Variants in CSMD1 observed in about 807,000 individuals in gnomAD.
The protein encoded by CSMD1 is CUB and sushi domain-containing protein 1.
Under a neutral mutation model 417.5 loss-of-function variants are expected in CSMD1, and 213 were observed. The ratio of observed to expected loss-of-function variants is 0.51; its 90% CI spans 0.46 to 0.57. The LOEUF (loss-of-function observed/expected upper bound fraction) is 0.57. Ranked by LOEUF, CSMD1 falls within the 20% of genes least tolerant of loss-of-function variation. The pLI, the probability that CSMD1 is intolerant of heterozygous loss-of-function variation, is 0.00. For synonymous variants in CSMD1, 2,862 were observed against 1,736.8 expected (o/e 1.65, Z -16.11); for missense variants, 6,923 against 4,529.7 (o/e 1.53, Z -15.17).
chr8:3,117,873 T>C (rs913870680), intron 42 of CSMD1, among the ~76,000 whole-genome samples: 1 of 152,208 alleles, frequency 6.6e-6, no homozygotes, highest in African/African-American at 2.4e-5. Flanking sequence ...CTGTTTCTTC[T>C]ACCTGGAGTG....
chr8:4,077,170 G>C (rs1452932780), intron 3 of CSMD1, among the ~76,000 whole-genome samples: 3 of 151,166 alleles, frequency 2.0e-5, no homozygotes, highest in Non-Finnish European at 4.4e-5. Flanking sequence ...GCACCCAATG[G>C]GTAAAAACTG....
At chr8:4,946,482 C>G (rs577320139) in intron 1 of CSMD1, among the ~76,000 whole-genome samples, 2 of 152,068 alleles carry the variant, frequency 1.3e-5, no homozygotes, top group Non-Finnish European at 2.9e-5. Context: ...ATGGAGACTA[C>G]CCTCCCCAGG....
At chr8:3,435,982 T>A (rs1322966540) in intron 12 of CSMD1, among the ~76,000 whole-genome samples, 1 of 152,172 alleles carries the variant, frequency 6.6e-6, no homozygotes. Context: ...AACTTTGTAT[T>A]TGCAAATGCT....
intron 1 of CSMD1, among the ~76,000 whole-genome samples, chr8:4,698,736 C>T (rs1054263371): frequency 7.2e-6 from 1 of 138,682 alleles, no homozygotes; most frequent in Non-Finnish European, 1.5e-5. Context: ...TTCCTTCTTA[C>T]CTACTAAACT....
intron 5 of CSMD1, among the ~76,000 whole-genome samples, chr8:3,921,639 C>T (rs926548374): frequency 2.6e-5 from 4 of 151,880 alleles, no homozygotes; most frequent in African/African-American, 7.3e-5. Context: ...TGATTTCTTC[C>T]TTCCCCCATT....
intron 12 of CSMD1, among the ~76,000 whole-genome samples, chr8:3,455,414 T>C (rs1039264089): frequency 6.6e-6 from 1 of 152,246 alleles, no homozygotes; most frequent in African/African-American, 2.4e-5. Flanking sequence ...CCAGTTTTTC[T>C]GCTCTGTTTT....
intron 12 of CSMD1, among the ~76,000 whole-genome samples, chr8:3,467,808 C>A (rs1816867187): frequency 6.6e-6 from 1 of 152,178 alleles, no homozygotes; most frequent in Non-Finnish European, 1.5e-5. Context: ...TTTATTATCT[C>A]CTTCATTGAT....
intron 26 of CSMD1, among the ~76,000 whole-genome samples, chr8:3,234,839 C>T (rs572986418): frequency 1.3e-5 from 2 of 152,328 alleles, no homozygotes; most frequent in Non-Finnish European, 2.9e-5. Flanking sequence ...CCTTCCTGAA[C>T]CAGCATTTTA....
At chr8:3,286,403 C>G (rs1283941693) in intron 25 of CSMD1, among the ~76,000 whole-genome samples, 2 of 152,272 alleles carry the variant, frequency 1.3e-5, no homozygotes, top group South Asian at 2.1e-4. Flanking sequence ...AATGGCCACA[C>G]TGACTTCCAC....
rs183556216 is a variant in CSMD1 at position 3,644,606 on chromosome 8, G to A, written c.1010-27809C>T. ...TGCAGAGCTGTGAAAGGAATGAACG[G>A]GATAAGAGATGGCTGTGCCAGACCC... On this transcript the variant is annotated intron_variant, in intron 7 of 69. Coordinates refer to ENST00000635120, the MANE Select transcript of CSMD1 (RefSeq NM_033225.6). 2.6e-5 allele frequency among the ~76,000 whole-genome samples: 4 copies of A among 152,256 alleles called. No homozygotes were observed. In the East Asian group the frequency reaches 7.7e-4, roughly 29 times the overall value.
chr8:4,584,322 G>T lies in CSMD1; in HGVS notation c.302+53020C>A, dbSNP rs533832915. Among the ~76,000 whole-genome samples, 7 of 151,970 alleles carry T rather than the reference G, an allele frequency of 4.6e-5. No homozygotes were observed. The South Asian group carries it at 1.5e-3, about 32-fold the overall frequency. Reference sequence around the variant, plus strand: ...AGTGGTGAGACCGTCGCCTATCGCCGAGTAGTGAGACAATCGCCAATCGCC... The same window carrying T: ...AGTGGTGAGACCGTCGCCTATCGCCTAGTAGTGAGACAATCGCCAATCGCC... On this transcript the variant is annotated intron_variant, in intron 2 of 69. Transcript: ENST00000635120.
intron 2 of CSMD1, 49 bp from the exon 3 acceptor site, chr8:4,420,114 C>T (rs1563154916): frequency 1.5e-6 from 2 of 1,330,934 alleles, no homozygotes; most frequent in Middle Eastern, 1.9e-4. Flanking sequence ...ATGAATTTGT[C>T]AAAAAAAGCT....
At chr8:3,372,505 G>T (rs932870870) in intron 18 of CSMD1, among the ~76,000 whole-genome samples, 27 of 152,302 alleles carry the variant, frequency 1.8e-4, no homozygotes, top group African/African-American at 6.0e-4. Context: ...GGCATTGGCA[G>T]CAAGATGGGA....
At chr8:4,062,571 A>G (rs80326748) in intron 3 of CSMD1, among the ~76,000 whole-genome samples, 246 of 152,238 alleles carry the variant, frequency 1.6e-3, no homozygotes, top group African/African-American at 5.6e-3. Context: ...AACATATCCT[A>G]TAAAAGTTTT....
At chr8:3,139,393 T>C (rs1424817967) in intron 41 of CSMD1, among the ~76,000 whole-genome samples, 2 of 151,974 alleles carry the variant, frequency 1.3e-5, no homozygotes, top group Non-Finnish European at 2.9e-5. Flanking sequence ...AACCCAGAGA[T>C]TTTCTGGCCC....
chr8:3,626,411 C>T (rs11781825), intron 7 of CSMD1, among the ~76,000 whole-genome samples: 8,113 of 152,138 alleles, frequency 0.053, 418 homozygotes, highest in East Asian at 0.29. Context: ...TATTACTTTG[C>T]ATAGAATCTG....
intron 1 of CSMD1, among the ~76,000 whole-genome samples, chr8:4,717,434 A>G (rs1808741043): frequency 6.6e-6 from 1 of 150,782 alleles, no homozygotes; most frequent in Admixed American, 6.6e-5. Context: ...ATATACACAT[A>G]CACTATATAT....
chr8:4,150,422 G>A (rs1229983603), intron 3 of CSMD1, among the ~76,000 whole-genome samples: 2 of 152,174 alleles, frequency 1.3e-5, no homozygotes, highest in Non-Finnish European at 2.9e-5. Context: ...TCTTTGGATG[G>A]CAGGCTTTTG....
intron 5 of CSMD1, among the ~76,000 whole-genome samples, chr8:3,850,011 G>A (rs1803787501): frequency 6.6e-6 from 1 of 151,782 alleles, no homozygotes; most frequent in Admixed American, 6.6e-5. Context: ...CACGATGTTG[G>A]TCTCAAACTT....
Sources: allele counts gnomAD v4.1 joint callset (sites outside exome capture counted in the v4.1 genomes callset), GRCh38; gene constraint gnomAD v4.1.1; transcripts MANE v1.5; gene names NCBI Gene and HGNC (gene_info 2026-07-23, HGNC 2026-07-21).